UBE3C: variants seen among roughly 807,000 people sequenced by gnomAD.
UBE3C encodes the protein ubiquitin protein ligase E3C.
UBE3C carries 42 observed loss-of-function variants against 129.4 expected under a neutral mutation model. The ratio of observed to expected loss-of-function variants is 0.32; its 90% CI spans 0.25 to 0.42. The LOEUF is 0.42. UBE3C is among the 10% of genes least tolerant of loss of function. The pLI is 1.00. For synonymous variants in UBE3C, 510 were observed against 492.4 expected (o/e 1.04, Z -0.47); for missense variants, 1,049 against 1,319.1 (o/e 0.80, Z 3.17).
chr7:157,260,618 G>A (rs1473079344), intron 22 of UBE3C, among the ~76,000 whole-genome samples: 1 of 152,176 alleles, frequency 6.6e-6, no homozygotes, highest in Non-Finnish European at 1.5e-5. Context: ...CATTTATTAT[G>A]ATAGACAAGG....
chr7:157,207,784 G>T lies in UBE3C; in HGVS notation c.1658G>T (p.Cys553Phe), dbSNP rs1440018591. ...IMLSRCLRDA[C>F]LGIIKLAYPE... ...TTGTCTCGATGCCTTCGAGATGCATGCCTGGGGATCATCAAGTTGGCTTAT... is the reference window on the plus strand; with the variant it reads ...TTGTCTCGATGCCTTCGAGATGCATTCCTGGGGATCATCAAGTTGGCTTAT... The change falls in exon 13 of 23, where the codon TGC (cysteine) becomes TTC (phenylalanine). Residue 553 changes from cysteine (C) to phenylalanine (F), a missense_variant. Cys to Phe is a radical substitution (Grantham distance 205). This residue lies in a region of UBE3C where 314 missense variants were observed against 416.9 expected (regional missense o/e 0.75). Transcript: ENST00000348165. 6.2e-7 allele frequency: 1 copy of T among 1,614,036 alleles called. No individual in the cohort carries two copies. Among genetic ancestry groups the T allele is most frequent in the Non-Finnish European group, 8.5e-7 (1 of 1,180,036 alleles).
At chr7:157,147,075 C>T (rs1586641532) in intron 1 of UBE3C, among the ~76,000 whole-genome samples, 2 of 152,068 alleles carry the variant, frequency 1.3e-5, no homozygotes, top group African/African-American at 2.4e-5. Flanking sequence ...CAAAAAAAAC[C>T]TGTGGAATTT....
At chr7:157,164,759 G>T (rs1166435063) in intron 2 of UBE3C, among the ~76,000 whole-genome samples, 1 of 152,060 alleles carries the variant, frequency 6.6e-6, no homozygotes, top group Non-Finnish European at 1.5e-5. Context: ...TGCTTGCTGG[G>T]TATACAGATA....
At chr7:157,253,382 A>G (rs919567012) in intron 19 of UBE3C, among the ~76,000 whole-genome samples, 16 of 152,216 alleles carry the variant, frequency 1.1e-4, no homozygotes, top group African/African-American at 3.6e-4. Context: ...GCCACGTACT[A>G]ATAAAAAGTG....
At chr7:157,248,975 G>C (rs1796552140) in intron 19 of UBE3C, among the ~76,000 whole-genome samples, 1 of 152,128 alleles carries the variant, frequency 6.6e-6, no homozygotes, top group South Asian at 2.1e-4. Flanking sequence ...ACTGTCTAGG[G>C]GGTGTGTTCA....
chr7:157,190,299 C>A (rs1317933078), intron 10 of UBE3C, among the ~76,000 whole-genome samples: 1 of 152,104 alleles, frequency 6.6e-6, no homozygotes, highest in African/African-American at 2.4e-5. Context: ...TTGAGTCCAG[C>A]ATCTCTCCCT....
intron 1 of UBE3C, among the ~76,000 whole-genome samples, chr7:157,153,998 G>A (rs1233353230): frequency 6.6e-6 from 1 of 151,224 alleles, no homozygotes; most frequent in Admixed American, 6.6e-5. Flanking sequence ...CCCTGTCTGG[G>A]GGGGGAAAAG....
intron 14 of UBE3C, among the ~76,000 whole-genome samples, chr7:157,218,209 G>A (rs1795635258): frequency 6.6e-6 from 1 of 152,130 alleles, no homozygotes; most frequent in Non-Finnish European, 1.5e-5. Flanking sequence ...ACTTTGGGAG[G>A]CCAAGGCAAG....
At chr7:157,221,769 T>G (rs889895310) in intron 15 of UBE3C, 4 of 151,936 alleles carry the variant, frequency 2.6e-5, no homozygotes, top group Admixed American at 2.6e-4. Flanking sequence ...TTGTAAAAGG[T>G]GGGAAATGGT....
At chr7:157,221,813 C>T (rs193009831) in intron 15 of UBE3C, 4 of 152,042 alleles carry the variant, frequency 2.6e-5, no homozygotes, top group Admixed American at 2.0e-4. Flanking sequence ...GTCTACCAGC[C>T]GACTAATGAT....
chr7:157,198,866 T>G (rs1809199495), intron 10 of UBE3C, among the ~76,000 whole-genome samples: 1 of 152,240 alleles, frequency 6.6e-6, no homozygotes. Flanking sequence ...TTTGTTTTAT[T>G]ATTGCTTATT....
At chr7:157,162,116 C>CAG (rs1808086891) in intron 1 of UBE3C, among the ~76,000 whole-genome samples, 1 of 152,074 alleles carries the variant, frequency 6.6e-6, no homozygotes, top group Admixed American at 6.5e-5. Context: ...ATTGTTAGTT[C>CAG]ATGTATCAGT....
At chr7:157,228,932 T>C (rs938069419) in intron 17 of UBE3C, among the ~76,000 whole-genome samples, 1 of 152,194 alleles carries the variant, frequency 6.6e-6, no homozygotes, top group African/African-American at 2.4e-5. Context: ...TTGAGGAGAT[T>C]GCATGGAGGC....
intron 22 of UBE3C, among the ~76,000 whole-genome samples, chr7:157,263,664 A>AT (rs1796983729): frequency 7.6e-6 from 1 of 132,440 alleles, no homozygotes; most frequent in African/African-American, 2.9e-5. Context: ...ACGCCAACTC[A>AT]AAAAAAAAAA....
At chr7:157,247,458 G>A (rs1327290808) in intron 18 of UBE3C, among the ~76,000 whole-genome samples, 3 of 152,188 alleles carry the variant, frequency 2.0e-5, no homozygotes, top group Admixed American at 6.5e-5. Flanking sequence ...CTGGGAGGCC[G>A]AAGTGGGTGG....
intron 19 of UBE3C, among the ~76,000 whole-genome samples, chr7:157,251,646 C>T (rs1180499548): frequency 6.6e-6 from 1 of 152,074 alleles, no homozygotes. Context: ...TCTGGAGGAG[C>T]AGAAAGGACA....
chr7:157,139,610 C>G (rs903376994), intron 1 of UBE3C, among the ~76,000 whole-genome samples: 1 of 152,200 alleles, frequency 6.6e-6, no homozygotes, highest in African/African-American at 2.4e-5. Context: ...AACTCGAGGC[C>G]GCGCCCGTGG....
intron 13 of UBE3C, among the ~76,000 whole-genome samples, chr7:157,215,613 A>AT (rs1795541419): frequency 6.6e-6 from 1 of 150,928 alleles, no homozygotes; most frequent in East Asian, 1.9e-4. Context: ...TATAAATCAG[A>AT]TTGTCCTGAT....
intron 1 of UBE3C, among the ~76,000 whole-genome samples, chr7:157,156,300 C>CTTTTTTTTTTTTTT (rs1173730075): frequency 5.8e-5 from 5 of 85,886 alleles, no homozygotes; most frequent in African/African-American, 1.5e-4. Context: ...ACCCCCAGTT[C>CTTTTTTTTTTTTTT]TTTTTTTTTT....
Sources: allele counts gnomAD v4.1 joint callset (sites outside exome capture counted in the v4.1 genomes callset), GRCh38; gene constraint gnomAD v4.1.1; regional missense constraint gnomAD v4.1.1; transcripts MANE v1.5; gene names NCBI Gene and HGNC (gene_info 2026-07-23, HGNC 2026-07-21).